CCDC88C: variants seen among roughly 807,000 people sequenced by gnomAD.
The protein encoded by CCDC88C is protein Daple.
In CCDC88C, 131 loss-of-function variants were observed where a neutral mutation model predicts 198.8. The ratio of observed to expected loss-of-function variants is 0.66; its 90% CI spans 0.57 to 0.76. CCDC88C has a LOEUF of 0.76. Ranked by LOEUF, CCDC88C falls within the 30% of genes least tolerant of loss-of-function variation. The pLI is 0.00. For missense variants in CCDC88C, 2,553 were observed against 2,631.6 expected (o/e 0.97, Z 0.65); for synonymous variants, 1,166 against 1,114.7 (o/e 1.05, Z -0.92).
chr14:91,376,313 C>T (rs1022442826), intron 3 of CCDC88C, among the ~76,000 whole-genome samples: 1 of 152,226 alleles, frequency 6.6e-6, no homozygotes, highest in Non-Finnish European at 1.5e-5. Flanking sequence ...ATCTTCTGCG[C>T]TTTGCACACT....
Position 91,416,854 on chromosome 14 carries a change from C to A in CCDC88C, c.61-16G>T. ...AAGTTTTCACCTGCGGGGAGGGGGA[C>A]GAGGAGAGAAAGACAGGAAGTCACC... On this transcript the variant is annotated splice_polypyrimidine_tract_variant and intron_variant, in intron 1 of 29. Transcript: ENST00000389857. The A allele has an allele frequency of 6.3e-7, 1 of 1,588,520 alleles. No homozygotes were observed. The highest frequency in any genetic ancestry group is 8.6e-7 in the Non-Finnish European group (1 of 1,159,510).
At chr14:91,299,036 T>A (rs1316754976) in intron 21 of CCDC88C, among the ~76,000 whole-genome samples, 1 of 152,220 alleles carries the variant, frequency 6.6e-6, no homozygotes, top group Non-Finnish European at 1.5e-5. Context: ...TCTATAAAGT[T>A]GCTGTAAACA....
At chr14:91,382,006 T>C (rs549517890) in intron 3 of CCDC88C, among the ~76,000 whole-genome samples, 11 of 152,234 alleles carry the variant, frequency 7.2e-5, no homozygotes, top group Non-Finnish European at 1.3e-4. Flanking sequence ...TCTACTAGGA[T>C]AGGTTCTGTA....
Position 91,273,279 on chromosome 14 carries a change from G to A in CCDC88C, c.5433C>T (p.Asp1811=). ...LSRAFSLASA[D]LLRASGPEAC... is the part of the protein sequence containing the mutation. Reference sequence around the variant, plus strand: ...CCTCTGGCCCGCTGGCCCGGAGAAGGTCAGCTGAGGCCAGGCTGAAGGCCC... The same window carrying A: ...CCTCTGGCCCGCTGGCCCGGAGAAGATCAGCTGAGGCCAGGCTGAAGGCCC... The change falls in exon 30 of 30, where the codon GAC becomes GAT. Residue 1811 remains aspartate, a synonymous_variant. Coordinates refer to ENST00000389857, the MANE Select transcript of CCDC88C (RefSeq NM_001080414.4). This position sits in a 1 kb window ranked among gnomAD's most constrained non-coding sequence, Gnocchi z 5.6. 6.4e-7 allele frequency: 1 copy of A among 1,560,036 alleles called. No individual in the cohort carries two copies. Among genetic ancestry groups the A allele is most frequent in the South Asian group, 1.2e-5 (1 of 85,120 alleles).
At position 91,288,327 on chromosome 14, in the gene CCDC88C, G is replaced by A. The variant is rs1453615600; in HGVS notation, c.4441+778C>T. On this transcript the variant is annotated intron_variant, in intron 25 of 29. Transcript: ENST00000389857. This position sits in a 1 kb window ranked among gnomAD's most constrained non-coding sequence, Gnocchi z 4.2. ...GGGAAAAGGCACAGTGTGTCCTGTG[G>A]CTGGTGGGACACAAGGCCAGATCAG... 2.0e-5 allele frequency among the ~76,000 whole-genome samples: 3 copies of A among 152,200 alleles called. No homozygotes were observed. The East Asian group carries it at 5.8e-4, about 29-fold the overall frequency.
At chr14:91,364,158 G>T (rs1268225815) in intron 3 of CCDC88C, among the ~76,000 whole-genome samples, 1 of 152,216 alleles carries the variant, frequency 6.6e-6, no homozygotes. Context: ...TGAGGCCTCT[G>T]TCTTGTCACC....
rs1029765308 is a variant in CCDC88C at position 91,416,911 on chromosome 14, G to A, written c.61-73C>T. The A allele has an allele frequency of 1.0e-5, 11 of 1,051,182 alleles. No homozygotes were observed. In the African/African-American group the frequency reaches 1.7e-4, roughly 16 times the overall value. 65.1% of individuals were successfully genotyped at this position (1,051,182 alleles called of 1,614,324 possible). ...GCACAAACGGTCCAAAGCTCTCCCA[G>A]GCAGAGACTGGACGGGTCAGTGTGA... On this transcript the variant is annotated intron_variant, in intron 1 of 29. Transcript: ENST00000389857.
In CCDC88C at chr14:91,339,215, G is replaced by A. The variant is rs1186259115; in HGVS notation, c.809+63C>T. 3.8e-6 allele frequency: 6 copies of A among 1,577,856 alleles called. No homozygotes were observed. The highest frequency in any genetic ancestry group is 4.6e-5 in the East Asian group (2 of 43,892). ...ATTGGCAGCACCACACATGTGAGTC[G>A]ACACCACACCAGAAACATGTCTGCA... On this transcript the variant is annotated intron_variant, in intron 8 of 29. Coordinates refer to ENST00000389857, the MANE Select transcript of CCDC88C (RefSeq NM_001080414.4). The surrounding 1 kb of genome is among the most constrained non-coding windows in gnomAD (Gnocchi z 5.8).
Position 91,339,442 on chromosome 14 carries a change from C to G in CCDC88C, c.645G>C (p.Gln215His), listed in dbSNP as rs1893210668. ...GCTGTGCCTGCAGGTAGTCCCGTTC[C>G]TGAGTGAGGTCCACGATCAGCTGCA... ...ECTELIVDLTQERDYLQAQHP... is the reference protein window; with the variant it reads ...ECTELIVDLTHERDYLQAQHP... Residue 215 changes from glutamine to histidine, a missense_variant, in exon 8 of 30, where the codon CAG (glutamine) becomes CAC (histidine). This residue lies in a region of CCDC88C where 1,260 missense variants were observed against 1,412.0 expected (regional missense o/e 0.89). Coordinates refer to ENST00000389857, the MANE Select transcript of CCDC88C (RefSeq NM_001080414.4). This position sits in a 1 kb window ranked among gnomAD's most constrained non-coding sequence, Gnocchi z 5.8. 1 of 1,606,586 alleles carries G rather than the reference C, an allele frequency of 6.2e-7. No homozygotes were observed.
chr14:91,323,806 G>A (rs1892457696), intron 12 of CCDC88C, among the ~76,000 whole-genome samples: 1 of 152,216 alleles, frequency 6.6e-6, no homozygotes, highest in Admixed American at 6.5e-5. Context: ...AAGGGATTTG[G>A]GGGAACCCCC....
At chr14:91,308,146 C>A (rs549916186) in intron 17 of CCDC88C, among the ~76,000 whole-genome samples, 30 of 152,312 alleles carry the variant, frequency 2.0e-4, no homozygotes, top group African/African-American at 7.2e-4. Context: ...CCCGCCTCCC[C>A]GCAGGCCTGT....
chr14:91,348,626 C>CA (rs1364524027), intron 4 of CCDC88C, among the ~76,000 whole-genome samples: 2 of 152,192 alleles, frequency 1.3e-5, no homozygotes, highest in Non-Finnish European at 2.9e-5. Flanking sequence ...TTCATCCCAA[C>CA]ACCCATTAGA....
Position 91,288,099 on chromosome 14 carries a change from C to T in CCDC88C, c.4441+1006G>A, listed in dbSNP as rs182700368. 2.6e-4 allele frequency among the ~76,000 whole-genome samples: 39 copies of T among 152,262 alleles called. No homozygotes were observed. The East Asian group carries it at 6.2e-3, about 24-fold the overall frequency. On this transcript the variant is annotated intron_variant, in intron 25 of 29. Transcript: ENST00000389857. The surrounding 1 kb of genome is among the most constrained non-coding windows in gnomAD (Gnocchi z 4.2). ...TCCTTTTACGTGTGTGTACAAAAAT[C>T]GAATTCTTATTTAGAAAAGCTCTTT... is the stretch of plus-strand genomic sequence containing the variant.
At position 91,293,552 on chromosome 14, in the gene CCDC88C, CCCCTCGCCTGCCACGGCCCACCTTCCTGT is replaced by C. The variant is rs1205592515; in HGVS notation, c.4112+592_4112+620del. The stretch of plus-strand genomic sequence containing the variant: ...CACCTGCCACGGCCCACCTTCCTGT[CCCCTCGCCTGCCACGGCCCACCTTCCTGT>C]CCCCTCGCCTGCCATGGCCCACCTC... On this transcript the variant is annotated intron_variant, in intron 23 of 29. Coordinates refer to ENST00000389857, the MANE Select transcript of CCDC88C (RefSeq NM_001080414.4). Among the ~76,000 whole-genome samples, 43 of 27,528 alleles carry C rather than the reference CCCCTCGCCTGCCACGGCCCACCTTCCTGT, an allele frequency of 1.6e-3. 2 individuals carry two copies. The highest frequency in any genetic ancestry group is 0.01 in the South Asian group (5 of 496). 18.1% of individuals were successfully genotyped at this position (27,528 alleles called of 152,430 possible). A position where few individuals can be genotyped will look rare whatever the true frequency, so the allele number is the denominator to read the frequency against.
At chr14:91,372,415 C>T (rs1326927342) in intron 3 of CCDC88C, among the ~76,000 whole-genome samples, 1 of 151,550 alleles carries the variant, frequency 6.6e-6, no homozygotes, top group Non-Finnish European at 1.5e-5. Context: ...GAGCTGGGGG[C>T]ACTGGGAGCA....
rs77154172 is a variant in CCDC88C at position 91,273,625 on chromosome 14, A to G, written c.5087T>C (p.Leu1696Pro). 1.6e-3 allele frequency: 2,427 copies of G among 1,485,276 alleles called. 13 individuals carry two copies. The highest frequency in any genetic ancestry group is 2.3e-3 in the South Asian group (158 of 68,954). The allele number at this position is 1,485,276 out of a possible 1,614,324, so 92.0% of individuals were successfully genotyped here. Residue 1696 changes from leucine (L) to proline (P), a missense_variant, in exon 30 of 30, where the codon CTG becomes CCG. Around this residue, in one of 2 missense-constraint regions of CCDC88C, gnomAD observed 1,293 missense variants for 1,219.6 expected, o/e 1.06. Transcript: ENST00000389857. This position sits in a 1 kb window ranked among gnomAD's most constrained non-coding sequence, Gnocchi z 5.6. ...GCTGGCCTTTCGGAAGTAGTCACTC[A>G]GCAGGTCATCCCGGCAACTGGGAGT... ...HDTPSCRDDL[L>P]SDYFRKASDP...
Position 91,309,906 on chromosome 14 carries a change from G to A in CCDC88C, c.2817C>T (p.Gly939=). ...CCTGCAACAGCAGCTCCCTGTTGAG[G>A]CCGACCTTCTCCAGTTCCTGGCTCA... ...DKLSQELEKV[G]LNRELLLQED... The change falls in exon 16 of 30, where the codon GGC becomes GGT. Residue 939 remains glycine, a synonymous_variant. Transcript: ENST00000389857. 2 of 1,611,444 alleles carry A rather than the reference G, an allele frequency of 1.2e-6. No individual in the cohort carries two copies. Among genetic ancestry groups the A allele is most frequent in the Non-Finnish European group, 1.7e-6 (2 of 1,178,838 alleles).
chr14:91,401,076 G>C (rs112821134), intron 3 of CCDC88C, among the ~76,000 whole-genome samples: 3 of 151,236 alleles, frequency 2.0e-5, no homozygotes, highest in African/African-American at 7.3e-5. Flanking sequence ...AAAAAAGGCA[G>C]GTTACAAACA....
At chr14:91,283,164 G>A (rs946638892) in intron 26 of CCDC88C, among the ~76,000 whole-genome samples, 165 bp downstream of exon 26, 2 of 152,168 alleles carry the variant, frequency 1.3e-5, no homozygotes, top group African/African-American at 4.8e-5. Flanking sequence ...TGGCTGGTAA[G>A]CACAGCTGCA....
Sources: gnomAD v4.1 joint callset for allele counts (sites outside exome capture counted in the v4.1 genomes callset) on GRCh38, gnomAD v4.1.1 for gene constraint, gnomAD v4.1.1 regional missense constraint, Gnocchi (gnomAD v3.1) non-coding constraint, MANE v1.5 for transcripts, NCBI Gene and HGNC (gene_info 2026-07-23, HGNC 2026-07-21) for gene names.